FARSB: variants seen among roughly 807,000 people sequenced by gnomAD.
FARSB encodes the protein phenylalanine--tRNA ligase beta subunit.
Under a neutral mutation model 69.6 loss-of-function variants are expected in FARSB, and 40 were observed. The observed-to-expected ratio is 0.57, with a 90% CI of 0.45 to 0.75. The LOEUF is 0.75. FARSB is among the 30% of genes least tolerant of loss of function. The pLI is 0.00. For missense variants in FARSB, 632 were observed against 722.9 expected, an observed-to-expected ratio of 0.87 and a Z score of 1.44; for synonymous variants, 235 against 247.2, an observed-to-expected ratio of 0.95 and a Z score of 0.46.
intron 16 of FARSB, among the ~76,000 whole-genome samples, chr2:222,576,210 G>A (rs1689835411): frequency 1.3e-5 from 2 of 151,436 alleles, no homozygotes. Flanking sequence ...CAATCATTTG[G>A]TATTTTATTT....
At position 222,570,116 on chromosome 2, in the gene FARSB, G is replaced by C. The variant is rs1001862584; in HGVS notation, c.*1755C>G. ...CAGTTTGTCATTGTGAATTTTAGTT[G>C]CATTTCCCTGATGACTAACGATGTT... is the stretch of plus-strand genomic sequence containing the variant. On this transcript the variant is annotated 3_prime_UTR_variant, in exon 17 of 17. Coordinates refer to ENST00000281828, the MANE Select transcript of FARSB (RefSeq NM_005687.5). 1.3e-5 allele frequency among the ~76,000 whole-genome samples: 2 copies of C among 152,180 alleles called. No individual in the cohort carries two copies. The highest frequency in any genetic ancestry group is 2.9e-5 in the Non-Finnish European group (2 of 68,020).
chr2:222,592,210 A>T (rs1690291855), intron 16 of FARSB, among the ~76,000 whole-genome samples: 1 of 152,050 alleles, frequency 6.6e-6, no homozygotes, highest in Non-Finnish European at 1.5e-5. Context: ...AAAGGCCTTT[A>T]TTTTTTGTGG....
Position 222,600,087 on chromosome 2 carries a change from G to T in FARSB, c.1463-4C>A. ...CTGTAGTTTTTTGCACCTACATCTAGAAAAATAAAGGAACTGGTCACAACG... is the reference window on the plus strand; with the variant it reads ...CTGTAGTTTTTTGCACCTACATCTATAAAAATAAAGGAACTGGTCACAACG... On this transcript the variant is annotated splice_region_variant and splice_polypyrimidine_tract_variant and intron_variant, in intron 15 of 16. Transcript: ENST00000281828. 6.2e-7 allele frequency: 1 copy of T among 1,601,226 alleles called. No homozygotes were observed. Among genetic ancestry groups the T allele is most frequent in the Non-Finnish European group, 8.5e-7 (1 of 1,176,434 alleles).
At chr2:222,602,493 C>A (rs1333991176) in intron 15 of FARSB, among the ~76,000 whole-genome samples, 3 of 151,284 alleles carry the variant, frequency 2.0e-5, no homozygotes, top group African/African-American at 7.3e-5. Flanking sequence ...TGTGAGTAGT[C>A]ATACAGATGA....
chr2:222,639,906 A>C (rs957058853), intron 4 of FARSB, among the ~76,000 whole-genome samples: 5 of 152,226 alleles, frequency 3.3e-5, no homozygotes, highest in Non-Finnish European at 5.9e-5. Flanking sequence ...GATTTCTGAA[A>C]ATGTATTAAA....
chr2:222,656,010 A>G lies in FARSB; in HGVS notation c.58+6T>C, dbSNP rs1444544466. On this transcript the variant is annotated splice_donor_region_variant and intron_variant, in intron 1 of 16. Transcript: ENST00000281828. Reference sequence around the variant, plus strand: ...GTAGGGCCCAACGTATAGGGCCGCCACTCACTGTAGGTGCGGCCCAGGGCT... The same window carrying G: ...GTAGGGCCCAACGTATAGGGCCGCCGCTCACTGTAGGTGCGGCCCAGGGCT... 1.9e-6 allele frequency: 3 copies of G among 1,592,790 alleles called. No homozygotes were observed. The highest frequency in any genetic ancestry group is 1.3e-5 in the African/African-American group (1 of 74,152).
chr2:222,632,865 A>C (rs570358175), intron 7 of FARSB, among the ~76,000 whole-genome samples: 1 of 152,108 alleles, frequency 6.6e-6, no homozygotes, highest in Non-Finnish European at 1.5e-5. Flanking sequence ...AAAGAAAAAA[A>C]ACTACAGACA....
At chr2:222,644,577 G>C (rs1216182505) in intron 2 of FARSB, 2 of 446,592 alleles carry the variant, frequency 4.5e-6, no homozygotes, top group East Asian at 7.1e-5. Context: ...TATATACAGA[G>C]AAGATAATAT....
rs774723130 is a variant in FARSB, at chr2:222,639,672, C to T, written c.363G>A (p.Ala121=). 19 of 1,567,956 alleles carry T rather than the reference C, an allele frequency of 1.2e-5. No individual in the cohort carries two copies. Among genetic ancestry groups the T allele is most frequent in the East Asian group, 6.9e-5 (3 of 43,478 alleles). ...TTATATTACGGAGAACTGCTGCTAC[C>T]GCAAAAGGACGTATCTTAGCTGTCT... ...TEETAKIRPF[A]VAAVLRNIKF... The change falls in exon 5 of 17, where the codon GCG becomes GCA. Residue 121 remains alanine (A), a synonymous_variant. Coordinates refer to ENST00000281828, the MANE Select transcript of FARSB (RefSeq NM_005687.5).
At chr2:222,604,737 T>TG in intron 15 of FARSB, among the ~76,000 whole-genome samples, 1 of 149,538 alleles carries the variant, frequency 6.7e-6, no homozygotes, top group South Asian at 2.2e-4. Context: ...TTTTTTTTTT[T>TG]TTTTTTTGTA....
rs1691229451 is a variant in FARSB, at chr2:222,624,901, G to A, written c.901-126C>T. The stretch of plus-strand genomic sequence containing the variant: ...AATTGTCATTAGAGCCACACATTGA[G>A]AATAAACTTGATGTTTCAAAAACAG... On this transcript the variant is annotated intron_variant, in intron 10 of 16. Coordinates refer to ENST00000281828, the MANE Select transcript of FARSB (RefSeq NM_005687.5). 3 of 586,362 alleles carry A rather than the reference G, an allele frequency of 5.1e-6. No homozygotes were observed. The Admixed American group carries it at 1.0e-4, about 20-fold the overall frequency. 36.3% of individuals were successfully genotyped at this position (586,362 alleles called of 1,614,324 possible). A position where few individuals can be genotyped will look rare whatever the true frequency, so the allele number is the denominator to read the frequency against.
chr2:222,618,872 C>T (rs965777847), intron 14 of FARSB, among the ~76,000 whole-genome samples: 10 of 152,166 alleles, frequency 6.6e-5, no homozygotes, highest in Admixed American at 1.3e-4. Flanking sequence ...GCTAGGTGCT[C>T]ATGCCTGTAA....
At chr2:222,600,364 A>G (rs1270829837) in intron 15 of FARSB, among the ~76,000 whole-genome samples, 7 of 152,220 alleles carry the variant, frequency 4.6e-5, no homozygotes, top group African/African-American at 1.2e-4. Context: ...AATTCTTTGT[A>G]AACAATTTAC....
chr2:222,626,366 C>T (rs1316209613), intron 10 of FARSB, among the ~76,000 whole-genome samples: 1 of 151,968 alleles, frequency 6.6e-6, no homozygotes, highest in Non-Finnish European at 1.5e-5. Context: ...AACTTATCTC[C>T]CCTAGTTCTC....
Position 222,630,109 on chromosome 2 carries a change from T to G in FARSB, c.848+4A>C. ...CCATCAATAAAGGTGCTGGATGAAC[T>G]TACGTAAATTGATTCTCACAATATT... On this transcript the variant is annotated splice_donor_region_variant and intron_variant, in intron 9 of 16. Transcript: ENST00000281828. 1 of 1,525,452 alleles carries G rather than the reference T, an allele frequency of 6.6e-7. No homozygotes were observed. Among genetic ancestry groups the G allele is most frequent in the Non-Finnish European group, 8.9e-7 (1 of 1,121,798 alleles). The allele number at this position is 1,525,452 out of a possible 1,614,324, so 94.5% of individuals were successfully genotyped here.
chr2:222,651,625 C>T (rs575134567), intron 1 of FARSB, among the ~76,000 whole-genome samples: 1 of 152,312 alleles, frequency 6.6e-6, no homozygotes, highest in African/African-American at 2.4e-5. Flanking sequence ...ATTAAGAGCA[C>T]TGTTATCAGC....
intron 15 of FARSB, among the ~76,000 whole-genome samples, chr2:222,611,442 G>C (rs896068034): frequency 2.9e-5 from 4 of 139,836 alleles, no homozygotes; most frequent in Admixed American, 7.0e-5. Context: ...CTTCTTTTTG[G>C]GGGGGCGGGG....
intron 16 of FARSB, among the ~76,000 whole-genome samples, chr2:222,577,096 G>A (rs1689857843): frequency 6.6e-6 from 1 of 152,072 alleles, no homozygotes; most frequent in Non-Finnish European, 1.5e-5. Flanking sequence ...AAAGAAAAAG[G>A]TTTAGGAATA....
chr2:222,613,990 A>G (rs911084149), intron 14 of FARSB, 62 bp from the exon 15 acceptor site: 2 of 947,608 alleles, frequency 2.1e-6, no homozygotes, highest in African/African-American at 3.3e-5. Context: ...CACTTGGTTA[A>G]AGACAAAGAC....
Sources: allele counts gnomAD v4.1 joint callset (sites outside exome capture counted in the v4.1 genomes callset), GRCh38; gene constraint gnomAD v4.1.1; transcripts MANE v1.5; gene names NCBI Gene and HGNC (gene_info 2026-07-23, HGNC 2026-07-21).